The following MDGA2 variants were observed in gnomAD, a reference collection of about 807,000 sequenced individuals.
MDGA2 encodes the protein MAM domain containing glycosylphosphatidylinositol anchor 2, also known as MAM domain-containing glycosylphosphatidylinositol anchor protein 2.
Under a neutral mutation model 117.8 loss-of-function variants are expected in MDGA2, and 40 were observed. The ratio of observed to expected loss-of-function variants is 0.34; its 90% CI spans 0.26 to 0.44. The LOEUF (loss-of-function observed/expected upper bound fraction) is 0.44. Among genes scored for constraint, MDGA2 ranks in the 20% least tolerant of loss-of-function variants. The pLI, the probability that MDGA2 is intolerant of heterozygous loss-of-function variation, is 1.00. For missense variants in MDGA2, 1,123 were observed against 1,250.6 expected, an observed-to-expected ratio of 0.90 and a Z score of 1.54; for synonymous variants, 452 against 439.0, an observed-to-expected ratio of 1.03 and a Z score of -0.37.
rs1417812180 is a variant in MDGA2 at position 46,884,146 on chromosome 14, T to A, written c.2239-1925A>T. Among the ~76,000 whole-genome samples, 2 of 152,132 alleles carry A rather than the reference T, an allele frequency of 1.3e-5. No homozygotes were observed. Among genetic ancestry groups the A allele is most frequent in the Admixed American group, 6.6e-5 (1 of 15,244 alleles). On this transcript the variant is annotated intron_variant, in intron 10 of 16. Coordinates refer to ENST00000399232, the MANE Select transcript of MDGA2 (RefSeq NM_001113498.3). This position sits in a 1 kb window ranked among gnomAD's most constrained non-coding sequence, Gnocchi z 4.1. Reference sequence around the variant, plus strand: ...AGGTCATCAACAACATGGCCTACTTTTACTTTGATTGTGAAACTCTTTGGT... The same window carrying A: ...AGGTCATCAACAACATGGCCTACTTATACTTTGATTGTGAAACTCTTTGGT...
At chr14:46,850,669 G>A (rs1881022272) in intron 15 of MDGA2, among the ~76,000 whole-genome samples, 1 of 151,794 alleles carries the variant, frequency 6.6e-6, no homozygotes, top group Non-Finnish European at 1.5e-5. Flanking sequence ...CAAATTTGAA[G>A]AGAGACAGCA....
At chr14:47,532,998 A>G (rs1000330038) in intron 1 of MDGA2, among the ~76,000 whole-genome samples, 1 of 152,210 alleles carries the variant, frequency 6.6e-6, no homozygotes, top group African/African-American at 2.4e-5. Flanking sequence ...TAGTTCTCCA[A>G]TCCCCATATT....
rs537672442 is a variant in MDGA2, at chr14:46,841,180, T to C, written c.*751A>G. 1 of 152,610 alleles carries C rather than the reference T, an allele frequency of 6.6e-6. No homozygotes were observed. The highest frequency in any genetic ancestry group is 2.4e-5 in the African/African-American group (1 of 41,538). 9.5% of individuals were successfully genotyped at this position (152,610 alleles called of 1,614,324 possible). ...TCTTCATTGGAACAGATGACGTAGT[T>C]TGGGTGTTCAAGTGGCCGCAAGCAA... On this transcript the variant is annotated 3_prime_UTR_variant, in exon 17 of 17. Transcript: ENST00000399232.
intron 1 of MDGA2, among the ~76,000 whole-genome samples, chr14:47,310,213 C>T (rs1336829643): frequency 6.6e-6 from 1 of 152,020 alleles, no homozygotes; most frequent in Non-Finnish European, 1.5e-5. Flanking sequence ...ACTTCAAAAA[C>T]CCTTGCATGT....
chr14:47,071,035 G>A (rs1265082753), intron 6 of MDGA2, among the ~76,000 whole-genome samples: 2 of 152,208 alleles, frequency 1.3e-5, no homozygotes, highest in African/African-American at 2.4e-5. Flanking sequence ...TTTTTAACAA[G>A]CATCCAATGT....
chr14:47,196,936 TGTTA>T (rs1052060791), intron 3 of MDGA2, among the ~76,000 whole-genome samples: 7 of 152,210 alleles, frequency 4.6e-5, no homozygotes, highest in Non-Finnish European at 1.0e-4. Flanking sequence ...TCTGTTCCTG[TGTTA>T]GTTCACTTCA....
At chr14:46,882,449 A>G (rs1882500630) in intron 10 of MDGA2, among the ~76,000 whole-genome samples, 1 of 151,664 alleles carries the variant, frequency 6.6e-6, no homozygotes, top group South Asian at 2.1e-4. Context: ...GATTTAATAT[A>G]TCATCTAATG....
intron 8 of MDGA2, among the ~76,000 whole-genome samples, chr14:46,986,765 T>G (rs1321041088): frequency 6.6e-6 from 1 of 152,150 alleles, no homozygotes; most frequent in Non-Finnish European, 1.5e-5. Flanking sequence ...TGCCTAGGAC[T>G]GATTTAATTA....
chr14:47,283,892 G>A (rs1247856634), intron 2 of MDGA2, among the ~76,000 whole-genome samples: 1 of 152,162 alleles, frequency 6.6e-6, no homozygotes, highest in Non-Finnish European at 1.5e-5. Flanking sequence ...AACAAGTCAA[G>A]TAAGATCATT....
chr14:47,569,823 C>T (rs1028115500), intron 1 of MDGA2, among the ~76,000 whole-genome samples: 1 of 152,102 alleles, frequency 6.6e-6, no homozygotes, highest in African/African-American at 2.4e-5. Context: ...CACTTATGTA[C>T]AATTAATAAC....
At chr14:46,902,898 G>A (rs115295833) in intron 10 of MDGA2, among the ~76,000 whole-genome samples, 3,965 of 152,290 alleles carry the variant, frequency 0.026, 176 homozygotes, top group African/African-American at 0.09. Flanking sequence ...AGATTAATCA[G>A]TGTTTCTTTT....
intron 3 of MDGA2, among the ~76,000 whole-genome samples, chr14:47,144,633 T>C (rs1882863420): frequency 6.6e-6 from 1 of 151,914 alleles, no homozygotes; most frequent in Admixed American, 6.6e-5. Context: ...AATATCAGGC[T>C]GCTTGACTTA....
intron 1 of MDGA2, among the ~76,000 whole-genome samples, chr14:47,503,221 C>T (rs924911066): frequency 6.6e-6 from 1 of 151,500 alleles, no homozygotes. Flanking sequence ...TGTTGATGAT[C>T]AGTACAGTGG....
intron 1 of MDGA2, among the ~76,000 whole-genome samples, chr14:47,652,922 G>T (rs960652052): frequency 5.3e-5 from 8 of 152,104 alleles, no homozygotes; most frequent in African/African-American, 9.7e-5. Flanking sequence ...GACCTGTGTG[G>T]CCCAGATTCT....
chr14:47,154,053 T>A (rs1388467313), intron 3 of MDGA2, among the ~76,000 whole-genome samples: 2 of 151,936 alleles, frequency 1.3e-5, no homozygotes, highest in Non-Finnish European at 1.5e-5. Flanking sequence ...AACAAAAACA[T>A]AAAAAATAAA....
chr14:46,924,540 G>A (rs748827497), intron 9 of MDGA2, among the ~76,000 whole-genome samples: 9 of 152,032 alleles, frequency 5.9e-5, no homozygotes, highest in South Asian at 2.1e-4. Flanking sequence ...TATAGGACAT[G>A]TTTGCAAATT....
chr14:47,180,941 T>C (rs1884677390), intron 3 of MDGA2, among the ~76,000 whole-genome samples: 1 of 151,718 alleles, frequency 6.6e-6, no homozygotes, highest in Non-Finnish European at 1.5e-5. Flanking sequence ...AACAAAAAAA[T>C]AAAACAAACA....
chr14:46,843,213 T>C (rs1880689796), intron 16 of MDGA2, among the ~76,000 whole-genome samples: 1 of 152,194 alleles, frequency 6.6e-6, no homozygotes, highest in Non-Finnish European at 1.5e-5. Flanking sequence ...CCTATGGGCT[T>C]TCACAGGCAT....
chr14:47,290,282 G>C (rs1242223755), intron 2 of MDGA2, among the ~76,000 whole-genome samples: 1 of 151,982 alleles, frequency 6.6e-6, no homozygotes, highest in African/African-American at 2.4e-5. Context: ...CCTTAAAAAG[G>C]AGACCCTAGA....
Sources: allele counts gnomAD v4.1 joint callset (sites outside exome capture counted in the v4.1 genomes callset), GRCh38; gene constraint gnomAD v4.1.1; non-coding constraint Gnocchi (gnomAD v3.1); transcripts MANE v1.5; gene names NCBI Gene and HGNC (gene_info 2026-07-23, HGNC 2026-07-21).